DOCK2: variants seen among roughly 807,000 people sequenced by gnomAD.
The protein encoded by DOCK2 is dedicator of cytokinesis 2.
In DOCK2, 87 loss-of-function variants were observed where a neutral mutation model predicts 248.9. That is an observed-to-expected ratio of 0.35 (90% confidence interval 0.29 to 0.42). The LOEUF is 0.42. DOCK2 is among the 10% of genes least tolerant of loss of function. DOCK2 has a pLI of 1.00. For synonymous variants in DOCK2, 805 were observed against 821.6 expected, an observed-to-expected ratio of 0.98 and a Z score of 0.35; for missense variants, 1,747 against 2,300.2, an observed-to-expected ratio of 0.76 and a Z score of 4.92.
intron 7 of DOCK2, among the ~76,000 whole-genome samples, chr5:169,682,651 T>A (rs1025313325): frequency 1.6e-4 from 23 of 143,330 alleles, no homozygotes; most frequent in Non-Finnish European, 3.3e-4. Flanking sequence ...AGCAATTTTG[T>A]TTTTAGATTT....
chr5:169,650,782 C>A (rs1757760412), intron 1 of DOCK2, among the ~76,000 whole-genome samples: 1 of 152,038 alleles, frequency 6.6e-6, no homozygotes, highest in South Asian at 2.1e-4. Context: ...GTCAGGATAC[C>A]AGTTTCTGTT....
intron 8 of DOCK2, among the ~76,000 whole-genome samples, chr5:169,687,362 G>A (rs1324290146): frequency 6.6e-6 from 1 of 152,000 alleles, no homozygotes; most frequent in East Asian, 1.9e-4. Flanking sequence ...GTTAATCTGG[G>A]ACTGTGTTCA....
intron 21 of DOCK2, among the ~76,000 whole-genome samples, chr5:169,718,433 C>T (rs961033857): frequency 1.3e-5 from 2 of 151,684 alleles, no homozygotes; most frequent in African/African-American, 2.4e-5. Context: ...TTTTTTTTTC[C>T]TCCCTATCTT....
At chr5:169,877,308 C>G (rs1215462217) in intron 27 of DOCK2, among the ~76,000 whole-genome samples, 1 of 152,122 alleles carries the variant, frequency 6.6e-6, no homozygotes, top group Admixed American at 6.5e-5. Context: ...AGTTAGCAAT[C>G]TGCATGGAGG....
In DOCK2 at chr5:170,083,281, T is replaced by C. The variant is rs902781215; in HGVS notation, c.*423T>C. ...ATTTTAGATTAACAGTTTTGTACTTTACATTTTTTTATACAACCAACCAGT... is the reference window on the plus strand; with the variant it reads ...ATTTTAGATTAACAGTTTTGTACTTCACATTTTTTTATACAACCAACCAGT... On this transcript the variant is annotated 3_prime_UTR_variant, in exon 52 of 52. Coordinates refer to ENST00000520908, the MANE Select transcript of DOCK2 (RefSeq NM_004946.3). The C allele has an allele frequency of 3.8e-5, 6 of 155,934 alleles. No homozygotes were observed. The highest frequency in any genetic ancestry group is 1.4e-4 in the African/African-American group (6 of 41,564). The allele number at this position is 155,934 out of a possible 1,614,324, so 9.7% of individuals were successfully genotyped here.
chr5:169,948,776 C>A (rs908285215), intron 27 of DOCK2, among the ~76,000 whole-genome samples: 1 of 151,960 alleles, frequency 6.6e-6, no homozygotes, highest in African/African-American at 2.4e-5. Flanking sequence ...CTACACCTGG[C>A]TCACAACTAC....
intron 6 of DOCK2, 115 bp from the exon 7 acceptor site, chr5:169,681,628 CT>C: frequency 7.5e-7 from 1 of 1,328,684 alleles, no homozygotes; most frequent in Non-Finnish European, 1.0e-6. Flanking sequence ...GTGTAGAGCT[CT>C]TCTATGTGAC....
At chr5:170,012,330 C>A (rs1315935195) in intron 32 of DOCK2, among the ~76,000 whole-genome samples, 1 of 152,022 alleles carries the variant, frequency 6.6e-6, no homozygotes, top group African/African-American at 2.4e-5. Context: ...TGTGAAATAA[C>A]CAACGACCTA....
At chr5:169,650,603 A>T (rs1016435397) in intron 1 of DOCK2, among the ~76,000 whole-genome samples, 2 of 152,198 alleles carry the variant, frequency 1.3e-5, no homozygotes, top group African/African-American at 2.4e-5. Flanking sequence ...AGTGGATTCG[A>T]TTTCCAGGGT....
chr5:170,078,710 A>G (rs993586679), intron 48 of DOCK2, among the ~76,000 whole-genome samples: 12 of 152,168 alleles, frequency 7.9e-5, no homozygotes, highest in African/African-American at 2.9e-4. Flanking sequence ...TTCTCTCCTC[A>G]CCACCAGTTT....
At chr5:169,655,513 A>G (rs941608776) in intron 2 of DOCK2, among the ~76,000 whole-genome samples, 5 of 152,202 alleles carry the variant, frequency 3.3e-5, no homozygotes, top group Non-Finnish European at 7.3e-5. Flanking sequence ...TTTCCACAAA[A>G]TAGACACTGT....
At chr5:169,827,725 A>G (rs867763846) in intron 26 of DOCK2, among the ~76,000 whole-genome samples, 29 of 152,218 alleles carry the variant, frequency 1.9e-4, no homozygotes, top group Non-Finnish European at 2.9e-5. Flanking sequence ...CTGTAGTTGT[A>G]TAGGTGGATC....
intron 27 of DOCK2, among the ~76,000 whole-genome samples, chr5:169,926,892 T>A (rs1178874035): frequency 6.6e-6 from 1 of 152,104 alleles, no homozygotes; most frequent in African/African-American, 2.4e-5. Context: ...ACATGAAAAA[T>A]AATTGTAAAT....
intron 26 of DOCK2, among the ~76,000 whole-genome samples, chr5:169,823,650 C>A (rs1768634083): frequency 6.6e-6 from 1 of 152,112 alleles, no homozygotes; most frequent in South Asian, 2.1e-4. Context: ...TATGACAAAC[C>A]CACAGCCAAT....
chr5:169,701,472 G>A (rs1461055018), intron 13 of DOCK2, among the ~76,000 whole-genome samples: 1 of 151,546 alleles, frequency 6.6e-6, no homozygotes, highest in South Asian at 2.1e-4. Flanking sequence ...TCAGTTACTT[G>A]TGTAACCCCT....
At position 169,805,215 on chromosome 5, in the gene DOCK2, A is replaced by AT. The variant is rs1767282543; in HGVS notation, c.2703+2009_2703+2010insT. ...GCAACATTGCAAGACCTCTGTCTCTACAAAAAAAAAAAAAAAAAGGAAAGA... is the reference window on the plus strand; with the variant it reads ...GCAACATTGCAAGACCTCTGTCTCTATCAAAAAAAAAAAAAAAAAGGAAAGA... On this transcript the variant is annotated intron_variant, in intron 26 of 51. Transcript: ENST00000520908. 3.1e-5 allele frequency among the ~76,000 whole-genome samples: 4 copies of AT among 130,866 alleles called. No individual in the cohort carries two copies. The South Asian group carries it at 7.8e-4, about 26-fold the overall frequency. The allele number at this position is 130,866 out of a possible 152,430, so 85.9% of individuals were successfully genotyped here.
At chr5:169,895,444 G>T (rs2113556132) in intron 27 of DOCK2, among the ~76,000 whole-genome samples, 1 of 152,080 alleles carries the variant, frequency 6.6e-6, no homozygotes, top group Non-Finnish European at 1.5e-5. Flanking sequence ...GGGGACAGGG[G>T]GTGGTCTCAC....
rs1318838460 is a variant in DOCK2, at chr5:170,076,127, G to A, written c.4866+43G>A. Reference sequence around the variant, plus strand: ...GGCTTGGAGGGGTGGGATTGTGCAGGGTGGGGCAGGGAAGCATGCTGGAGG... The same window carrying A: ...GGCTTGGAGGGGTGGGATTGTGCAGAGTGGGGCAGGGAAGCATGCTGGAGG... On this transcript the variant is annotated intron_variant, in intron 47 of 51. Coordinates refer to ENST00000520908, the MANE Select transcript of DOCK2 (RefSeq NM_004946.3). 2.5e-6 allele frequency: 4 copies of A among 1,599,752 alleles called. No individual in the cohort carries two copies. In the African/African-American group the frequency reaches 5.4e-5, roughly 21 times the overall value.
chr5:169,816,595 C>A (rs1406317792), intron 26 of DOCK2, among the ~76,000 whole-genome samples: 2 of 152,202 alleles, frequency 1.3e-5, no homozygotes, highest in African/African-American at 4.8e-5. Flanking sequence ...CTCTCACTCT[C>A]CCACCAAACC....
Sources: allele counts gnomAD v4.1 joint callset (sites outside exome capture counted in the v4.1 genomes callset), GRCh38; gene constraint gnomAD v4.1.1; transcripts MANE v1.5; gene names NCBI Gene and HGNC (gene_info 2026-07-23, HGNC 2026-07-21).